The following SLC22A25 variants were observed in gnomAD, a reference collection of about 807,000 sequenced individuals.
SLC22A25 encodes solute carrier family 22 member 25, also known as MGI:2442751, MGI:2385316, MGI:3042283, MGI:3645714, MGI:3605624, MGI:2442750.
A neutral mutation model predicts 45.9 loss-of-function variants in SLC22A25; 44 were observed. The ratio of observed to expected loss-of-function variants is 0.96; its 90% CI spans 0.75 to 1.23. The LOEUF (loss-of-function observed/expected upper bound fraction) is 1.23. SLC22A25 is among the 50% of genes most tolerant of loss of function. The pLI is 0.00. For synonymous variants in SLC22A25, 283 were observed against 238.6 expected (o/e 1.19, Z -1.72); for missense variants, 800 against 666.4 (o/e 1.20, Z -2.21).
intron 3 of SLC22A25, among the ~76,000 whole-genome samples, chr11:63,231,899 C>T (rs1396001245): frequency 2.6e-5 from 4 of 152,120 alleles, no homozygotes; most frequent in Admixed American, 6.5e-5. Context: ...AATCCTTTCC[C>T]CATTTCTTGT....
intron 9 of SLC22A25, among the ~76,000 whole-genome samples, chr11:63,176,487 T>C (rs1329161826): frequency 6.6e-6 from 1 of 152,012 alleles, no homozygotes; most frequent in African/African-American, 2.4e-5. Context: ...TGAGATTGCT[T>C]CTTAATCTCA....
chr11:63,188,710 G>C (rs4963380), intron 7 of SLC22A25, among the ~76,000 whole-genome samples: 70,008 of 151,500 alleles, frequency 0.46, 17,757 homozygotes, highest in Non-Finnish European at 0.57. Flanking sequence ...TCTACACACT[G>C]CTTTGAATGC....
rs182780479 is a variant in SLC22A25, at chr11:63,171,058, A to G, written c.1071-4800T>C. On this transcript the variant is annotated intron_variant, in intron 9 of 11. Transcript: ENST00000306494. ...CATCACGTAAACAGAATCAATGACA[A>G]TAGCCACACGATTATCTCAATAGAT... Among the ~76,000 whole-genome samples the G allele has an allele frequency of 8.3e-3, 1,257 of 152,338 alleles. 5 individuals carry two copies. Among genetic ancestry groups the G allele is most frequent in the Non-Finnish European group, 0.012 (783 of 68,038 alleles).
At chr11:63,194,934 A>G (rs2088959713) in intron 7 of SLC22A25, among the ~76,000 whole-genome samples, 1 of 108,594 alleles carries the variant, frequency 9.2e-6, no homozygotes, top group Non-Finnish European at 1.8e-5. Context: ...AAAAAAAAAA[A>G]AAGCAGGGGT....
At chr11:63,214,752 T>G (rs1376501276) in intron 7 of SLC22A25, among the ~76,000 whole-genome samples, 1 of 130,822 alleles carries the variant, frequency 7.6e-6, no homozygotes, top group Non-Finnish European at 1.6e-5. Flanking sequence ...CCCCACGAAA[T>G]GTTTAAAAGG....
intron 7 of SLC22A25, among the ~76,000 whole-genome samples, chr11:63,193,692 C>A (rs1405623882): frequency 2.0e-5 from 3 of 152,176 alleles, no homozygotes; most frequent in Non-Finnish European, 4.4e-5. Context: ...TAGATAAAAC[C>A]ACAAAGATGG....
chr11:63,162,993 A>G lies in SLC22A25; in HGVS notation c.*831T>C, dbSNP rs925901488. 6.6e-6 allele frequency among the ~76,000 whole-genome samples: 1 copy of G among 152,154 alleles called. No homozygotes were observed. Among genetic ancestry groups the G allele is most frequent in the African/African-American group, 2.4e-5 (1 of 41,438 alleles). On this transcript the variant is annotated 3_prime_UTR_variant, in exon 12 of 12. Coordinates refer to ENST00000306494, the MANE Select transcript of SLC22A25 (RefSeq NM_199352.6). ...GGTGCAAATATAATGAAACCAACAA[A>G]CAAAAAAGCTCAAAAATGAAAGACA...
intron 3 of SLC22A25, among the ~76,000 whole-genome samples, chr11:63,235,000 G>C (rs1269513216): frequency 6.6e-6 from 1 of 152,178 alleles, no homozygotes; most frequent in Non-Finnish European, 1.5e-5. Flanking sequence ...TTTCTGCTGA[G>C]AGATCAGCTG....
chr11:63,195,087 C>G (rs1345470372), intron 7 of SLC22A25, among the ~76,000 whole-genome samples: 1 of 151,856 alleles, frequency 6.6e-6, no homozygotes, highest in Non-Finnish European at 1.5e-5. Flanking sequence ...AATACAAGAG[C>G]ACCCAGATTC....
At chr11:63,176,414 GT>G (rs113162717) in intron 9 of SLC22A25, among the ~76,000 whole-genome samples, 3,555 of 151,894 alleles carry the variant, frequency 0.023, 135 homozygotes, top group African/African-American at 0.08. Context: ...CAGTGTACAA[GT>G]CTTTTGCCTC....
At chr11:63,201,530 C>G (rs111313865) in intron 7 of SLC22A25, among the ~76,000 whole-genome samples, 1 of 152,064 alleles carries the variant, frequency 6.6e-6, no homozygotes, top group Non-Finnish European at 1.5e-5. Context: ...AAAACTTAAA[C>G]GTAAAATCCC....
intron 3 of SLC22A25, among the ~76,000 whole-genome samples, chr11:63,231,807 G>A (rs1350293904): frequency 6.6e-6 from 1 of 152,176 alleles, no homozygotes; most frequent in Non-Finnish European, 1.5e-5. Flanking sequence ...ATTAATTTTT[G>A]TGTAAGGTAT....
rs527563139 is a variant in SLC22A25, at chr11:63,195,857, A to G, written c.831-12040T>C. Among the ~76,000 whole-genome samples the G allele has an allele frequency of 1.9e-4, 29 of 152,310 alleles. No homozygotes were observed. The South Asian group carries it at 5.8e-3, about 30-fold the overall frequency. ...TCAACAAAATAGATAGACCACTAGC[A>G]GGACTAATAAAGAAGAAAAGAGAGA... On this transcript the variant is annotated intron_variant, in intron 7 of 11. Coordinates refer to ENST00000306494, the MANE Select transcript of SLC22A25 (RefSeq NM_199352.6).
At chr11:63,164,421 A>C in intron 11 of SLC22A25, 105 bp downstream of exon 11, 1 of 996,226 alleles carries the variant, frequency 1.0e-6, no homozygotes, top group Non-Finnish European at 1.5e-6. Flanking sequence ...ATTACATTTG[A>C]TTGTTTTTTA....
chr11:63,188,198 T>C (rs1356944020), intron 7 of SLC22A25, among the ~76,000 whole-genome samples: 1 of 152,222 alleles, frequency 6.6e-6, no homozygotes, highest in Non-Finnish European at 1.5e-5. Context: ...GTTGGTAAGC[T>C]ATTGATTATT....
At chr11:63,199,734 CA>C (rs962623500) in intron 7 of SLC22A25, among the ~76,000 whole-genome samples, 24 of 151,320 alleles carry the variant, frequency 1.6e-4, no homozygotes, top group African/African-American at 3.1e-4. Context: ...TTGTGGGTTG[CA>C]AAAAAAATGC....
At chr11:63,234,500 G>C (rs4060975) in intron 3 of SLC22A25, among the ~76,000 whole-genome samples, 17 of 151,746 alleles carry the variant, frequency 1.1e-4, no homozygotes, top group South Asian at 2.1e-4. Flanking sequence ...GTAGATCTTC[G>C]TCCATCCCTT....
At position 63,201,584 on chromosome 11, in the gene SLC22A25, G is replaced by A. The variant is rs144019313; in HGVS notation, c.830+15730C>T. Among the ~76,000 whole-genome samples, 182 of 152,188 alleles carry A rather than the reference G, an allele frequency of 1.2e-3. 1 individual carries two copies. Among genetic ancestry groups the A allele is most frequent in the African/African-American group, 4.1e-3 (170 of 41,530 alleles). On this transcript the variant is annotated intron_variant, in intron 7 of 11. Transcript: ENST00000306494. ...AAGACAACCTAGGCAATACCATTCA[G>A]GACATAGGCACAGGAAAAGATTTCA...
intron 3 of SLC22A25, among the ~76,000 whole-genome samples, chr11:63,233,525 T>C (rs1168856493): frequency 6.6e-6 from 1 of 152,322 alleles, no homozygotes; most frequent in East Asian, 1.9e-4. Context: ...TTTTTCTCTC[T>C]TTTGTTCTTT....
Sources: allele counts gnomAD v4.1 joint callset (sites outside exome capture counted in the v4.1 genomes callset), GRCh38; gene constraint gnomAD v4.1.1; transcripts MANE v1.5; gene names NCBI Gene and HGNC (gene_info 2026-07-23, HGNC 2026-07-21).